The following TTC39B variants were observed in gnomAD, a reference collection of about 807,000 sequenced individuals.
TTC39B encodes the protein tetratricopeptide repeat protein 39B.
A neutral mutation model predicts 96.6 loss-of-function variants in TTC39B; 92 were observed. The ratio of observed to expected loss-of-function variants is 0.95; its 90% CI spans 0.80 to 1.13. The LOEUF (loss-of-function observed/expected upper bound fraction) is 1.13. Ranked by LOEUF, TTC39B falls within the 50% of genes most tolerant of loss-of-function variation. The probability of loss-of-function intolerance (pLI) is 0.00; values close to 1 mark genes in which losing one functional copy is unlikely to be tolerated. For missense variants in TTC39B, 955 were observed against 809.3 expected, an observed-to-expected ratio of 1.18 and a Z score of -2.18; for synonymous variants, 367 against 299.4, an observed-to-expected ratio of 1.23 and a Z score of -2.33.
rs778037562 is a variant in TTC39B at position 15,192,624 on chromosome 9, C to G, written c.896G>C (p.Gly299Ala). ...GGCCCCACTGCCAAGCTTGACACCC[C>G]CTTCAAACTCATAGAAGAATTCCTG... Residue 299 changes from glycine to alanine, a missense_variant, in exon 9 of 20, where the codon GGG (glycine) becomes GCG (alanine). By Grantham distance (60) the Gly-to-Ala change is moderately conservative. Coordinates refer to ENST00000512701, the Ensembl canonical transcript of TTC39B. 11 of 1,613,954 alleles carry G rather than the reference C, an allele frequency of 6.8e-6. No individual in the cohort carries two copies. The highest frequency in any genetic ancestry group is 5.3e-5 in the African/African-American group (4 of 74,910).
exon 20 of TTC39B, chr9:15,164,508 CA>C (rs1403571789): frequency 3.9e-5 from 6 of 152,032 alleles, no homozygotes; most frequent in African/African-American, 1.4e-4. Flanking sequence ...TAAGGCAAAG[CA>C]AAATCTCCCA....
At chr9:15,167,024 A>ATT (rs1564299983) in exon 20 of TTC39B, 22 of 11,616 alleles carry the variant, frequency 1.9e-3, no homozygotes, top group Non-Finnish European at 2.7e-3. Flanking sequence ...ATATATATAT[A>ATT]TATATTTTTT....
intron 2 of TTC39B, among the ~76,000 whole-genome samples, chr9:15,254,782 C>T (rs1822686936): frequency 6.6e-6 from 1 of 150,856 alleles, no homozygotes; most frequent in Non-Finnish European, 1.5e-5. Context: ...TTTTAAATGG[C>T]AAAGAATCCC....
intron 1 of TTC39B, among the ~76,000 whole-genome samples, chr9:15,279,701 G>T (rs942162982): frequency 2.6e-5 from 4 of 151,974 alleles, no homozygotes; most frequent in Admixed American, 6.6e-5. Flanking sequence ...CTGCAGCCTG[G>T]GAAAGGTTAG....
At chr9:15,277,847 C>A (rs1050897686) in intron 1 of TTC39B, among the ~76,000 whole-genome samples, 1 of 152,184 alleles carries the variant, frequency 6.6e-6, no homozygotes, top group African/African-American at 2.4e-5. Flanking sequence ...TTTCAAAGTT[C>A]AAGCCACGTC....
chr9:15,255,687 G>A lies in TTC39B; in HGVS notation c.275+12227C>T, dbSNP rs145852093. Among the ~76,000 whole-genome samples, 12 of 152,200 alleles carry A rather than the reference G, an allele frequency of 7.9e-5. No homozygotes were observed. In the East Asian group the frequency reaches 1.7e-3, roughly 22 times the overall value. ...GATTCTGACACTCATTTATGCAAACGTCAAGTGAAAACTGAGTCAGCCCTT... is the reference window on the plus strand; with the variant it reads ...GATTCTGACACTCATTTATGCAAACATCAAGTGAAAACTGAGTCAGCCCTT... On this transcript the variant is annotated intron_variant, in intron 2 of 19. Coordinates refer to ENST00000512701, the Ensembl canonical transcript of TTC39B.
chr9:15,293,830 G>A (rs1161335770), intron 1 of TTC39B, among the ~76,000 whole-genome samples: 1 of 152,166 alleles, frequency 6.6e-6, no homozygotes, highest in Admixed American at 6.5e-5. Context: ...ACCGAGTTTT[G>A]GTCCATCAAA....
exon 14 of TTC39B, chr9:15,188,110 C>T (rs1382269078): frequency 1.9e-6 from 3 of 1,603,370 alleles, no homozygotes; most frequent in Non-Finnish European, 8.5e-7. Flanking sequence ...AACTGAAATG[C>T]ATTTTTGAAA....
At position 15,191,386 on chromosome 9, in the gene TTC39B, T is replaced by G. The variant is rs544915927; in HGVS notation, c.931-131A>C. 34 of 615,998 alleles carry G rather than the reference T, an allele frequency of 5.5e-5. No individual in the cohort carries two copies. In the South Asian group the frequency reaches 6.2e-4, roughly 11 times the overall value. The allele number at this position is 615,998 out of a possible 1,614,324, so 38.2% of individuals were successfully genotyped here. ...GGGAACAAGTTTTAACCACCAGATA[T>G]TTCTGTTACCACATACTGTAACAAT... On this transcript the variant is annotated intron_variant, in intron 9 of 19. Coordinates refer to ENST00000512701, the Ensembl canonical transcript of TTC39B.
chr9:15,178,675 C>T (rs775111717), intron 17 of TTC39B, among the ~76,000 whole-genome samples: 9 of 152,186 alleles, frequency 5.9e-5, no homozygotes, highest in Admixed American at 2.6e-4. Flanking sequence ...CAGGTGGTCA[C>T]GCTCTGAGCT....
At chr9:15,257,006 A>G (rs1822774689) in intron 2 of TTC39B, among the ~76,000 whole-genome samples, 1 of 152,208 alleles carries the variant, frequency 6.6e-6, no homozygotes, top group African/African-American at 2.4e-5. Context: ...GATTCACACA[A>G]ACATACTGTT....
intron 17 of TTC39B, among the ~76,000 whole-genome samples, chr9:15,181,313 A>G (rs1314573432): frequency 6.6e-6 from 1 of 152,232 alleles, no homozygotes; most frequent in Non-Finnish European, 1.5e-5. Context: ...AGAATATTAC[A>G]AAAGACCATT....
At chr9:15,292,603 T>C (rs1824229435) in intron 1 of TTC39B, among the ~76,000 whole-genome samples, 1 of 152,186 alleles carries the variant, frequency 6.6e-6, no homozygotes, top group Admixed American at 6.5e-5. Flanking sequence ...ACGGCATTGT[T>C]GTCATAGGAG....
At chr9:15,246,231 C>T (rs1822269157) in intron 2 of TTC39B, among the ~76,000 whole-genome samples, 1 of 152,106 alleles carries the variant, frequency 6.6e-6, no homozygotes, top group African/African-American at 2.4e-5. Flanking sequence ...CCAGCCTGGG[C>T]AACCAGAGTG....
intron 6 of TTC39B, among the ~76,000 whole-genome samples, 191 bp from the exon 7 acceptor site, chr9:15,204,081 G>A (rs1334974831): frequency 6.6e-6 from 1 of 152,180 alleles, no homozygotes; most frequent in East Asian, 1.9e-4. Flanking sequence ...CCTGGAATGT[G>A]TGAAGTGTTC....
exon 20 of TTC39B, chr9:15,171,834 G>A (rs1817676463): frequency 2.5e-6 from 1 of 401,570 alleles, no homozygotes; most frequent in African/African-American, 2.1e-5. Context: ...AATATAGAAT[G>A]CCATTCCATA....
intron 2 of TTC39B, among the ~76,000 whole-genome samples, chr9:15,252,824 C>G (rs1822612603): frequency 6.6e-6 from 1 of 152,172 alleles, no homozygotes; most frequent in East Asian, 1.9e-4. Flanking sequence ...ACTACATTTT[C>G]TAGTTTTCTG....
At chr9:15,186,024 C>A (rs1818505459) in intron 15 of TTC39B, among the ~76,000 whole-genome samples, 1 of 152,134 alleles carries the variant, frequency 6.6e-6, no homozygotes, top group African/African-American at 2.4e-5. Context: ...TTATGAAATT[C>A]ATAAGCAGGT....
chr9:15,241,370 G>A (rs544336190), intron 2 of TTC39B, among the ~76,000 whole-genome samples: 9 of 151,634 alleles, frequency 5.9e-5, no homozygotes, highest in South Asian at 4.2e-4. Flanking sequence ...AAAAGATAAT[G>A]CTCTAAGTGG....
Sources: gnomAD v4.1 joint callset for allele counts (sites outside exome capture counted in the v4.1 genomes callset) on GRCh38, gnomAD v4.1.1 for gene constraint, MANE v1.5 for transcripts, NCBI Gene and HGNC (gene_info 2026-07-23, HGNC 2026-07-21) for gene names.